Variants in DEFB4B observed in about 807,000 individuals in gnomAD.
DEFB4B encodes defensin beta 4B.
intron 1 of DEFB4B, among the ~76,000 whole-genome samples, chr8:7,415,822 G>A (rs1176358325): frequency 6.7e-6 from 1 of 148,372 alleles, no homozygotes; most frequent in Non-Finnish European, 1.5e-5. Flanking sequence ...TGGAAAACAT[G>A]AGGTCTCTGG....
rs1585470773 is a variant in DEFB4B, at chr8:7,416,564, A to T, written c.58+206T>A. ...AGAGAAAGAAAGAAAGACATGCTCT[A>T]GGGAGAGAGGAAAAAGAAAGACAGA... is the stretch of plus-strand genomic sequence containing the variant. On this transcript the variant is annotated intron_variant, in intron 1 of 1. Coordinates refer to ENST00000318157, the MANE Select transcript of DEFB4B (RefSeq NM_001205266.2). Among the ~76,000 whole-genome samples the T allele has an allele frequency of 2.0e-5, 3 of 149,940 alleles. No individual in the cohort carries two copies. In the East Asian group the frequency reaches 5.9e-4, roughly 29 times the overall value.
At chr8:7,416,637 G>A (rs1358572177) in intron 1 of DEFB4B, 133 bp downstream of exon 1, 151 of 354,196 alleles carry the variant, frequency 4.3e-4, no homozygotes, top group African/African-American at 3.3e-3. Context: ...GAAAAGGATG[G>A]AGGGGACACA....
chr8:7,415,714 TCCC>T (rs1808815361), intron 1 of DEFB4B, among the ~76,000 whole-genome samples: 1 of 72,130 alleles, frequency 1.4e-5, no homozygotes, highest in East Asian at 5.0e-4. Context: ...CCTCCCTCCC[TCCC>T]TCCCTCCTTC....
chr8:7,415,693 C>G (rs2698816), intron 1 of DEFB4B, among the ~76,000 whole-genome samples: 24 of 63,098 alleles, frequency 3.8e-4, no homozygotes, highest in Non-Finnish European at 6.7e-4. Context: ...TTTTTTATCC[C>G]TCCCTCCCTC....
At chr8:7,415,557 C>T (rs1254724484) in intron 1 of DEFB4B, among the ~76,000 whole-genome samples, 1 of 151,536 alleles carries the variant, frequency 6.6e-6, no homozygotes, top group Admixed American at 6.6e-5. Flanking sequence ...ATGCAACTTA[C>T]TGAAATTGTT....
chr8:7,415,962 C>T (rs1290338969), intron 1 of DEFB4B, among the ~76,000 whole-genome samples: 4 of 147,332 alleles, frequency 2.7e-5, no homozygotes, highest in Admixed American at 1.4e-4. Flanking sequence ...TTCTTTTTCC[C>T]TTTCTCCATC....
At chr8:7,415,599 T>G (rs1274050180) in intron 1 of DEFB4B, among the ~76,000 whole-genome samples, 6 of 151,286 alleles carry the variant, frequency 4.0e-5, no homozygotes, top group Non-Finnish European at 8.8e-5. Flanking sequence ...TAACTTACAG[T>G]TGAAAACCAC....
intron 1 of DEFB4B, among the ~76,000 whole-genome samples, chr8:7,415,396 C>T (rs990471570): frequency 5.9e-5 from 9 of 151,382 alleles, no homozygotes; most frequent in African/African-American, 1.7e-4. Context: ...CTGGTAGGAG[C>T]TCAGCAACGA....
At chr8:7,416,479 G>T (rs1323725035) in intron 1 of DEFB4B, among the ~76,000 whole-genome samples, 1 of 151,688 alleles carries the variant, frequency 6.6e-6, no homozygotes, top group Admixed American at 6.6e-5. Context: ...ATTGAAGGAA[G>T]CAATGCTTGG....
intron 1 of DEFB4B, among the ~76,000 whole-genome samples, chr8:7,416,425 G>A (rs1808864041): frequency 6.6e-6 from 1 of 151,938 alleles, no homozygotes; most frequent in South Asian, 2.1e-4. Context: ...TATTGGCTTA[G>A]AAGAACGAGT....
chr8:7,416,428 G>A, intron 1 of DEFB4B, among the ~76,000 whole-genome samples: 1 of 151,946 alleles, frequency 6.6e-6, no homozygotes, highest in South Asian at 2.1e-4. Context: ...TGGCTTAGAA[G>A]AACGAGTGAG....
intron 1 of DEFB4B, among the ~76,000 whole-genome samples, chr8:7,415,549 G>A (rs1808801859): frequency 1.3e-5 from 2 of 151,522 alleles, no homozygotes; most frequent in African/African-American, 2.4e-5. Context: ...ATAAAAAGAT[G>A]CAACTTACTG....
rs1563323297 is a variant in DEFB4B at position 7,415,750 on chromosome 8, C to CCTCCCT, written c.59-654_59-653insAGGGAG. On this transcript the variant is annotated intron_variant, in intron 1 of 1. Coordinates refer to ENST00000318157, the MANE Select transcript of DEFB4B (RefSeq NM_001205266.2). ...TTCCCTCCCTCCCTCCCCACCTGCC[C>CCTCCCT]GCCTCCCTGCCTCCCTGCCTCCCTG... Among the ~76,000 whole-genome samples, 6 of 129,692 alleles carry CCTCCCT rather than the reference C, an allele frequency of 4.6e-5. No individual in the cohort carries two copies. In the South Asian group the frequency reaches 1.3e-3, roughly 28 times the overall value. The allele number at this position is 129,692 out of a possible 152,430, so 85.1% of individuals were successfully genotyped here.
chr8:7,415,692 C>CCTCT (rs1354045436), intron 1 of DEFB4B, among the ~76,000 whole-genome samples: 18 of 59,262 alleles, frequency 3.0e-4, no homozygotes, highest in African/African-American at 1.3e-3. Context: ...TTTTTTTATC[C>CCTCT]CTCCCTCCCT....
intron 1 of DEFB4B, among the ~76,000 whole-genome samples, chr8:7,416,409 C>A (rs1314190095): frequency 2.0e-5 from 3 of 151,784 alleles, no homozygotes; most frequent in Non-Finnish European, 1.5e-5. Flanking sequence ...CTACTGGGCT[C>A]CTTCATATTG....
intron 1 of DEFB4B, among the ~76,000 whole-genome samples, chr8:7,415,704 C>T (rs1808812452): frequency 8.5e-6 from 1 of 118,144 alleles, no homozygotes; most frequent in Non-Finnish European, 1.8e-5. Flanking sequence ...TCCCTCCCTC[C>T]CTCCCTCCCT....
Position 7,415,411 on chromosome 8 carries a change from T to C in DEFB4B, c.59-314A>G, listed in dbSNP as rs541491764. ...CTGGTAGGAGCTCAGCAACGATCTC[T>C]TGTGAATTCAGCTCCACCACAAGAA... On this transcript the variant is annotated intron_variant, in intron 1 of 1. Coordinates refer to ENST00000318157, the MANE Select transcript of DEFB4B (RefSeq NM_001205266.2). 1.1e-4 allele frequency among the ~76,000 whole-genome samples: 17 copies of C among 151,510 alleles called. No homozygotes were observed. In the South Asian group the frequency reaches 2.7e-3, roughly 24 times the overall value.
chr8:7,415,732 C>T (rs1257148765), intron 1 of DEFB4B, among the ~76,000 whole-genome samples: 3 of 130,692 alleles, frequency 2.3e-5, no homozygotes, highest in Admixed American at 8.3e-5. Context: ...TCCTTCCCTC[C>T]CTCCCTCCCC....
At chr8:7,416,035 G>GT (rs1400588940) in intron 1 of DEFB4B, among the ~76,000 whole-genome samples, 1 of 148,766 alleles carries the variant, frequency 6.7e-6, no homozygotes, top group Non-Finnish European at 1.5e-5. Context: ...ATAATATCAA[G>GT]GAGAAAATGA....
Sources: gnomAD v4.1 joint callset for allele counts (sites outside exome capture counted in the v4.1 genomes callset) on GRCh38, gnomAD v4.1.1 for gene constraint, MANE v1.5 for transcripts, NCBI Gene and HGNC (gene_info 2026-07-23, HGNC 2026-07-21) for gene names.